Variants in TADA1 observed in about 807,000 individuals in gnomAD.
TADA1 encodes the protein transcriptional adapter 1.
In TADA1, 23 loss-of-function variants were observed where a neutral mutation model predicts 39.3. That is an observed-to-expected ratio of 0.58 (90% CI 0.42 to 0.83). The LOEUF (loss-of-function observed/expected upper bound fraction) is 0.83, where lower values mean the gene tolerates loss of function less well. Among genes scored for constraint, TADA1 ranks in the 40% least tolerant of loss-of-function variants. The pLI is 0.00. For missense variants in TADA1, 352 were observed against 408.1 expected, an observed-to-expected ratio of 0.86 and a Z score of 1.18; for synonymous variants, 137 against 151.8, an observed-to-expected ratio of 0.90 and a Z score of 0.72.
At position 166,857,528 on chromosome 1, in the gene TADA1, A is replaced by C. The variant is rs1228372198; in HGVS notation, c.*39T>G. On this transcript the variant is annotated 3_prime_UTR_variant, in exon 8 of 8. Coordinates refer to ENST00000367874, the MANE Select transcript of TADA1 (RefSeq NM_053053.4). ...AAAAAACATTCAATTTTCAGTAATC[A>C]ATGAATTCGGTGAGGGTCCCACACC... 6.2e-7 allele frequency: 1 copy of C among 1,607,100 alleles called. No individual in the cohort carries two copies. Among genetic ancestry groups the C allele is most frequent in the South Asian group, 1.1e-5 (1 of 90,498 alleles).
At position 166,858,246 on chromosome 1, in the gene TADA1, T is replaced by G. The variant is rs781731777; in HGVS notation, c.728A>C (p.Asn243Thr). The G allele has an allele frequency of 6.2e-7, 1 of 1,607,848 alleles. No homozygotes were observed. Among genetic ancestry groups the G allele is most frequent in the Non-Finnish European group, 8.5e-7 (1 of 1,177,792 alleles). The change falls in exon 7 of 8, where the codon AAT becomes ACT. Residue 243 changes from asparagine to threonine, a missense_variant. Asn to Thr is a moderately conservative substitution (Grantham distance 65). This residue lies in a region of TADA1 where 285 missense variants were observed against 310.9 expected (regional missense o/e 0.92). Coordinates refer to ENST00000367874, the MANE Select transcript of TADA1 (RefSeq NM_053053.4). ...PAFTAPCAGQ[N>T]PASHPPPDDA... is the part of the protein sequence containing the mutation. Reference sequence around the variant, plus strand: ...ATCAGGGGGTGGGTGAGAAGCTGGATTCTGACCAGCACAGGGAGCAGTAAA... The same window carrying G: ...ATCAGGGGGTGGGTGAGAAGCTGGAGTCTGACCAGCACAGGGAGCAGTAAA...
chr1:166,867,661 C>T (rs1321536373), intron 3 of TADA1, among the ~76,000 whole-genome samples: 4 of 151,968 alleles, frequency 2.6e-5, no homozygotes, highest in Non-Finnish European at 5.9e-5. Flanking sequence ...GTAACCTCTA[C>T]CTCCCAGGTT....
intron 7 of TADA1, 134 bp downstream of exon 7, chr1:166,857,985 A>G: frequency 8.4e-7 from 1 of 1,188,908 alleles, no homozygotes; most frequent in Non-Finnish European, 1.2e-6. Context: ...AGTATTAATA[A>G]CGGCTTTTAT....
chr1:166,875,118 G>A (rs1026449300), intron 1 of TADA1, among the ~76,000 whole-genome samples: 16 of 152,220 alleles, frequency 1.1e-4, no homozygotes, highest in African/African-American at 3.9e-4. Context: ...ACTGAGTAAT[G>A]CAAATGTGTA....
intron 3 of TADA1, among the ~76,000 whole-genome samples, chr1:166,865,378 C>G (rs1404930971): frequency 6.6e-6 from 1 of 151,800 alleles, no homozygotes; most frequent in South Asian, 2.1e-4. Context: ...AAAGTAGTTG[C>G]CTTTGGGAAT....
At chr1:166,869,946 T>A in intron 1 of TADA1, 92 bp from the exon 2 acceptor site, 11 of 1,078,856 alleles carry the variant, frequency 1.0e-5, no homozygotes. Context: ...CGGGGTTTTT[T>A]ATTCTGTCAC....
At chr1:166,866,070 A>T (rs576178121) in intron 3 of TADA1, among the ~76,000 whole-genome samples, 1 of 152,326 alleles carries the variant, frequency 6.6e-6, no homozygotes, top group African/African-American at 2.4e-5. Context: ...TCCCTTCCTG[A>T]TAAATGAAAC....
chr1:166,863,724 C>T, intron 4 of TADA1, 100 bp downstream of exon 4: 5 of 1,083,460 alleles, frequency 4.6e-6, no homozygotes, highest in Admixed American at 4.1e-5. Context: ...TTTTTCAACT[C>T]TACTACCAGT....
At chr1:166,862,585 A>G (rs373396661) in intron 4 of TADA1, 173 bp from the exon 5 acceptor site, 1 of 610,880 alleles carries the variant, frequency 1.6e-6, no homozygotes, top group South Asian at 2.0e-5. Flanking sequence ...TTCACATCCA[A>G]TACAAGGTAA....
Position 166,862,352 on chromosome 1 carries a change from G to T in TADA1, c.391C>A (p.Gln131Lys). ...CAAAGTTTCAAGTCGTCATCATCTTGGGGATCCTTTGCCACAAATTGCTGG... is the reference window on the plus strand; with the variant it reads ...CAAAGTTTCAAGTCGTCATCATCTTTGGGATCCTTTGCCACAAATTGCTGG... Reference protein sequence around the residue: ...GAQQFVAKDPQDDDDLKLCSH... With the variant: ...GAQQFVAKDPKDDDDLKLCSH... The change falls in exon 5 of 8, where the codon CAA becomes AAA. Residue 131 changes from glutamine (Q) to lysine (K), a missense_variant. Coordinates refer to ENST00000367874, the MANE Select transcript of TADA1 (RefSeq NM_053053.4). 6.2e-7 allele frequency: 1 copy of T among 1,614,144 alleles called. No individual in the cohort carries two copies. Among genetic ancestry groups the T allele is most frequent in the Non-Finnish European group, 8.5e-7 (1 of 1,180,032 alleles).
rs745986498 is a variant in TADA1, at chr1:166,858,311, A to G, written c.693-30T>C. On this transcript the variant is annotated intron_variant, in intron 6 of 7. Transcript: ENST00000367874. ...AAATAAAAATTTCAGAAATAGTCCCAGCACAGAGACAACTGAGCAACAAGG... is the reference window on the plus strand; with the variant it reads ...AAATAAAAATTTCAGAAATAGTCCCGGCACAGAGACAACTGAGCAACAAGG... 3.3e-6 allele frequency: 5 copies of G among 1,501,158 alleles called. No homozygotes were observed. In the South Asian group the frequency reaches 6.8e-5, roughly 20 times the overall value. The allele number at this position is 1,501,158 out of a possible 1,614,324, so 93.0% of individuals were successfully genotyped here.
intron 1 of TADA1, among the ~76,000 whole-genome samples, chr1:166,871,318 G>T (rs1264242767): frequency 1.3e-5 from 2 of 152,038 alleles, no homozygotes; most frequent in Non-Finnish European, 2.9e-5. Flanking sequence ...ATTATGGAAT[G>T]GGATGAAAAA....
intron 1 of TADA1, among the ~76,000 whole-genome samples, chr1:166,875,763 G>A (rs1658749497): frequency 6.6e-6 from 1 of 152,224 alleles, no homozygotes; most frequent in Non-Finnish European, 1.5e-5. Context: ...CCAGGGGCGG[G>A]CCGCCCTGCG....
chr1:166,870,185 T>A (rs915588617), intron 1 of TADA1, among the ~76,000 whole-genome samples: 7 of 152,210 alleles, frequency 4.6e-5, no homozygotes, highest in Admixed American at 4.6e-4. Flanking sequence ...TTAACCCTAG[T>A]ACTTCAGAAT....
intron 1 of TADA1, among the ~76,000 whole-genome samples, chr1:166,873,657 A>T (rs1658703373): frequency 6.6e-6 from 1 of 152,242 alleles, no homozygotes; most frequent in Non-Finnish European, 1.5e-5. Flanking sequence ...AGGGAAAAGA[A>T]CAATGAGAGA....
chr1:166,869,473 C>T lies in TADA1; in HGVS notation c.204G>A (p.Thr68=), dbSNP rs758540431. The change falls in exon 3 of 8, where the codon ACG becomes ACA. Residue 68 remains threonine, a synonymous_variant. Coordinates refer to ENST00000367874, the MANE Select transcript of TADA1 (RefSeq NM_053053.4). ...GTGTAGAAACCAAAATCTGACAACG[C>T]GTGAGAATGGCCAGGAGGAAATCAT... The part of the protein sequence containing the change: ...SHNDFLLAIL[T]RCQILVSTPD... The T allele has an allele frequency of 4.1e-5, 66 of 1,613,554 alleles. No homozygotes were observed. Among genetic ancestry groups the T allele is most frequent in the Non-Finnish European group, 5.3e-5 (62 of 1,179,794 alleles).
At chr1:166,865,846 T>G (rs1658520419) in intron 3 of TADA1, among the ~76,000 whole-genome samples, 1 of 151,892 alleles carries the variant, frequency 6.6e-6, no homozygotes, top group South Asian at 2.1e-4. Flanking sequence ...TCAAAAAAAT[T>G]TTTAAGAAAG....
At chr1:166,871,212 C>T (rs1327420989) in intron 1 of TADA1, among the ~76,000 whole-genome samples, 1 of 152,182 alleles carries the variant, frequency 6.6e-6, no homozygotes, top group South Asian at 2.1e-4. Flanking sequence ...TAACCTTTTA[C>T]ACTTTAACAA....
At chr1:166,864,009 A>C in intron 3 of TADA1, 88 bp from the exon 4 acceptor site, 1 of 1,024,968 alleles carries the variant, frequency 9.8e-7, no homozygotes, top group Non-Finnish European at 1.4e-6. Flanking sequence ...AAAAGCATGG[A>C]ATGCTCATGA....
Sources: allele counts gnomAD v4.1 joint callset (sites outside exome capture counted in the v4.1 genomes callset), GRCh38; gene constraint gnomAD v4.1.1; regional missense constraint gnomAD v4.1.1; transcripts MANE v1.5; gene names NCBI Gene and HGNC (gene_info 2026-07-23, HGNC 2026-07-21).